Variants in RAP1GAP2 observed in about 807,000 individuals in gnomAD.
The protein encoded by RAP1GAP2 is rap1 GTPase-activating protein 2.
Under a neutral mutation model 95.0 loss-of-function variants are expected in RAP1GAP2, and 27 were observed. That is an observed-to-expected ratio of 0.28 (90% CI 0.21 to 0.39). RAP1GAP2 has a LOEUF of 0.39. Among genes scored for constraint, RAP1GAP2 ranks in the 10% least tolerant of loss-of-function variants. The pLI, the probability that RAP1GAP2 is intolerant of heterozygous loss-of-function variation, is 1.00. For synonymous variants in RAP1GAP2, 373 were observed against 380.9 expected, an observed-to-expected ratio of 0.98 and a Z score of 0.24; for missense variants, 771 against 970.0, an observed-to-expected ratio of 0.79 and a Z score of 2.72.
intron 2 of RAP1GAP2, among the ~76,000 whole-genome samples, chr17:2,873,406 C>T (rs979511234): frequency 4.0e-5 from 5 of 123,508 alleles, no homozygotes; most frequent in Non-Finnish European, 8.0e-5. Flanking sequence ...GCCCAGGAGG[C>T]GGAGGTTGCA....
At position 2,822,617 on chromosome 17, in the gene RAP1GAP2, G is replaced by GT. The variant is rs1212676493; in HGVS notation, c.80+22076dup. ...TCCGCCTGGAGGACAATAAAACCCT[G>GT]TTTTTTTTTGTTTTTTTTTTTTTTT... On this transcript the variant is annotated intron_variant, in intron 2 of 24. Coordinates refer to ENST00000254695, the MANE Select transcript of RAP1GAP2 (RefSeq NM_015085.5). Among the ~76,000 whole-genome samples the GT allele has an allele frequency of 2.8e-3, 334 of 117,668 alleles. 2 individuals carry two copies. The highest frequency in any genetic ancestry group is 0.013 in the Middle Eastern group (3 of 224). The allele number at this position is 117,668 out of a possible 152,430, so 77.2% of individuals were successfully genotyped here.
At chr17:3,007,635 G>A (rs889523379) in intron 16 of RAP1GAP2, among the ~76,000 whole-genome samples, 1 of 152,206 alleles carries the variant, frequency 6.6e-6, no homozygotes, top group African/African-American at 2.4e-5. Context: ...TGGCATCCAT[G>A]TGCATGGCTC....
At chr17:2,839,080 A>C (rs2071263915) in intron 2 of RAP1GAP2, among the ~76,000 whole-genome samples, 1 of 152,120 alleles carries the variant, frequency 6.6e-6, no homozygotes, top group Non-Finnish European at 1.5e-5. Flanking sequence ...AGGCAGGTGG[A>C]TCACTTAAGG....
chr17:2,849,428 G>C (rs776366625), intron 2 of RAP1GAP2, among the ~76,000 whole-genome samples: 1 of 152,176 alleles, frequency 6.6e-6, no homozygotes, highest in African/African-American at 2.4e-5. Context: ...GCTGATTCCC[G>C]CTTTCTCATG....
upstream of RAP1GAP2, among the ~76,000 whole-genome samples, chr17:2,793,647 CTCTTT>C (rs1306628565): frequency 2.6e-5 from 4 of 152,246 alleles, no homozygotes; most frequent in Non-Finnish European, 5.9e-5. Flanking sequence ...ACTTGTCAAG[CTCTTT>C]TCTTTAGTTG....
intron 2 of RAP1GAP2, among the ~76,000 whole-genome samples, chr17:2,808,101 C>A (rs1469583258): frequency 6.6e-6 from 1 of 152,032 alleles, no homozygotes; most frequent in Admixed American, 6.6e-5. Flanking sequence ...AGCTTTTTTC[C>A]TTTCGCCCAG....
chr17:2,803,225 CTG>C (rs2069373854), intron 2 of RAP1GAP2, among the ~76,000 whole-genome samples: 1 of 152,132 alleles, frequency 6.6e-6, no homozygotes, highest in South Asian at 2.1e-4. Flanking sequence ...AGTGAGGTCT[CTG>C]AGTGATTATC....
At position 2,789,586 on chromosome 17, in the gene RAP1GAP2, C is replaced by T. The variant is rs564694627; in HGVS notation, c.-13-10929C>T. 8.0e-4 allele frequency among the ~76,000 whole-genome samples: 99 copies of T among 124,422 alleles called. 1 individual carries two copies. The highest frequency in any genetic ancestry group is 2.9e-3 in the African/African-American group (92 of 32,066). The allele number at this position is 124,422 out of a possible 152,430, so 81.6% of individuals were successfully genotyped here. On this transcript the variant is annotated intron_variant, in intron 1 of 24. Transcript: ENST00000540393. ...GACCAGCCTGGCCAACATGGTGAAA[C>T]GACTCACAGACAGTCTCTACTAAAA...
At chr17:2,891,470 C>A (rs1307188525) in intron 2 of RAP1GAP2, among the ~76,000 whole-genome samples, 2 of 151,932 alleles carry the variant, frequency 1.3e-5, no homozygotes, top group African/African-American at 2.4e-5. Flanking sequence ...TTTTCTACCA[C>A]AATTACTTTA....
chr17:2,855,002 C>T lies in RAP1GAP2; in HGVS notation c.81-50282C>T, dbSNP rs563081718. Among the ~76,000 whole-genome samples, 65 of 152,164 alleles carry T rather than the reference C, an allele frequency of 4.3e-4. No homozygotes were observed. Among genetic ancestry groups the T allele is most frequent in the Non-Finnish European group, 8.1e-4 (55 of 68,026 alleles). On this transcript the variant is annotated intron_variant, in intron 2 of 24. Transcript: ENST00000254695. This position sits in a 1 kb window ranked among gnomAD's most constrained non-coding sequence, Gnocchi z 4.3. ...AGGAGTTTTGGAATGGTTAATACCG[C>T]ACCCTATAAGACACGGGCAGTGGAA...
At chr17:2,810,099 G>A (rs1487011598) in intron 2 of RAP1GAP2, among the ~76,000 whole-genome samples, 1 of 151,736 alleles carries the variant, frequency 6.6e-6, no homozygotes, top group Non-Finnish European at 1.5e-5. Context: ...TGGGACCGGG[G>A]GCTGTGTGTG....
chr17:2,927,371 T>C (rs536685344), intron 3 of RAP1GAP2, among the ~76,000 whole-genome samples: 27 of 152,240 alleles, frequency 1.8e-4, no homozygotes, highest in African/African-American at 5.3e-4. Context: ...GCCAGGATGG[T>C]CTCGATCTCC....
rs554047095 is a variant in RAP1GAP2 at position 3,007,621 on chromosome 17, C to T, written c.1360-390C>T. On this transcript the variant is annotated intron_variant, in intron 16 of 24. Coordinates refer to ENST00000254695, the MANE Select transcript of RAP1GAP2 (RefSeq NM_015085.5). ...CAGTCCTCATCTGTGTGAATAGCGG[C>T]CCCTGGCATCCATGTGCATGGCTCT... Among the ~76,000 whole-genome samples the T allele has an allele frequency of 2.5e-3, 386 of 152,296 alleles. 1 individual carries two copies. Among genetic ancestry groups the T allele is most frequent in the African/African-American group, 8.9e-3 (369 of 41,552 alleles).
intron 1 of RAP1GAP2, among the ~76,000 whole-genome samples, chr17:2,780,650 G>A (rs772702406): frequency 6.6e-6 from 1 of 152,204 alleles, no homozygotes; most frequent in Non-Finnish European, 1.5e-5. Context: ...AGGTCACTGC[G>A]TTCATCCCTC....
At chr17:2,879,725 C>CA (rs397955481) in intron 2 of RAP1GAP2, among the ~76,000 whole-genome samples, 87,176 of 139,340 alleles carry the variant, frequency 0.63, 27,127 homozygotes, top group Middle Eastern at 0.68. Flanking sequence ...GACTCCATCT[C>CA]AAAAAAAAAA....
intron 1 of RAP1GAP2, among the ~76,000 whole-genome samples, chr17:2,757,368 C>T (rs996308404): frequency 1.3e-5 from 2 of 152,342 alleles, no homozygotes; most frequent in East Asian, 3.9e-4. Context: ...GCGATCTACC[C>T]ACTTCAGCCT....
chr17:3,015,037 C>T (rs572038156), intron 17 of RAP1GAP2, among the ~76,000 whole-genome samples: 7 of 152,236 alleles, frequency 4.6e-5, no homozygotes, highest in South Asian at 2.1e-4. Context: ...AAAGGAAGCT[C>T]GCCGCTCCTC....
chr17:2,818,293 C>CTTTA (rs149867844), intron 2 of RAP1GAP2, among the ~76,000 whole-genome samples: 17,614 of 136,158 alleles, frequency 0.13, 1,383 homozygotes, highest in East Asian at 0.2. Context: ...TCTCAGCCCA[C>CTTTA]TTTATTTATT....
At chr17:2,891,554 T>C (rs2073717144) in intron 2 of RAP1GAP2, among the ~76,000 whole-genome samples, 1 of 151,608 alleles carries the variant, frequency 6.6e-6, no homozygotes, top group Non-Finnish European at 1.5e-5. Flanking sequence ...AATTCCATTC[T>C]TTCCCCCAGG....
Sources: allele counts gnomAD v4.1 joint callset (sites outside exome capture counted in the v4.1 genomes callset), GRCh38; gene constraint gnomAD v4.1.1; non-coding constraint Gnocchi (gnomAD v3.1); transcripts MANE v1.5; gene names NCBI Gene and HGNC (gene_info 2026-07-23, HGNC 2026-07-21).